GNE: variants seen among roughly 807,000 people sequenced by gnomAD.
The protein encoded by GNE is glucosamine (UDP-N-acetyl)-2-epimerase/N-acetylmannosamine kinase, also known as bifunctional UDP-N-acetylglucosamine 2-epimerase/N-acetylmannosamine kinase.
GNE carries 41 observed loss-of-function variants against 61.8 expected under a neutral mutation model. That is an observed-to-expected ratio of 0.66 (90% CI 0.52 to 0.86). The LOEUF (loss-of-function observed/expected upper bound fraction) is 0.86. GNE is among the 40% of genes least tolerant of loss of function. GNE has a pLI of 0.00. For synonymous variants in GNE, 264 were observed against 326.4 expected (o/e 0.81, Z 2.06); for missense variants, 608 against 909.1 (o/e 0.67, Z 4.26).
chr9:36,226,921 G>A (rs1429196208), intron 7 of GNE, among the ~76,000 whole-genome samples: 4 of 152,208 alleles, frequency 2.6e-5, no homozygotes, highest in Non-Finnish European at 5.9e-5. Context: ...GGCAGTGATA[G>A]TAATCAGCAT....
At position 36,217,335 on chromosome 9, in the gene GNE, G is replaced by C. The variant is rs540975887; in HGVS notation, c.*30C>G. The C allele has an allele frequency of 2.8e-5, 40 of 1,427,148 alleles. No homozygotes were observed. The South Asian group carries it at 3.9e-4, about 14-fold the overall frequency. The allele number at this position is 1,427,148 out of a possible 1,614,324, so 88.4% of individuals were successfully genotyped here. ...AACTTGATTCCACTCAGGAGCTCTGGAGAGAAGGTCCATGTCTGTTCCTGG... is the reference window on the plus strand; with the variant it reads ...AACTTGATTCCACTCAGGAGCTCTGCAGAGAAGGTCCATGTCTGTTCCTGG... On this transcript the variant is annotated 3_prime_UTR_variant, in exon 12 of 12. Transcript: ENST00000642385.
intron 1 of GNE, among the ~76,000 whole-genome samples, chr9:36,250,873 G>A (rs1390150519): frequency 6.6e-6 from 1 of 152,146 alleles, no homozygotes; most frequent in African/African-American, 2.4e-5. Context: ...TAGAGATGGG[G>A]TTTTGCCATG....
In GNE at chr9:36,216,179, A is replaced by G. The variant is rs1484040351; in HGVS notation, c.*1186T>C. ...TGTGGTGATGCTTTCACAGGTATACATATGTCAAGGCTTATCAAATTGTAG... is the reference window on the plus strand; with the variant it reads ...TGTGGTGATGCTTTCACAGGTATACGTATGTCAAGGCTTATCAAATTGTAG... On this transcript the variant is annotated 3_prime_UTR_variant, in exon 12 of 12. Transcript: ENST00000642385. The G allele has an allele frequency of 4.8e-6, 2 of 418,580 alleles. No homozygotes were observed. Among genetic ancestry groups the G allele is most frequent in the African/African-American group, 2.0e-5 (1 of 49,578 alleles). 25.9% of individuals were successfully genotyped at this position (418,580 alleles called of 1,614,324 possible). A position where few individuals can be genotyped will look rare whatever the true frequency, so the allele number is the denominator to read the frequency against.
chr9:36,218,364 G>A lies in GNE; in HGVS notation c.1817-65C>T, dbSNP rs1587273763. The A allele has an allele frequency of 1.7e-6, 2 of 1,173,476 alleles. No homozygotes were observed. The highest frequency in any genetic ancestry group is 2.4e-5 in the South Asian group (2 of 81,950). 72.7% of individuals were successfully genotyped at this position (1,173,476 alleles called of 1,614,324 possible). A position where few individuals can be genotyped will look rare whatever the true frequency, so the allele number is the denominator to read the frequency against. ...GTGGGGAGGCCAAGCTCACCACTGG[G>A]CCTGTGGAAAGCAAGCCCCTACATG... is the stretch of plus-strand genomic sequence containing the variant. On this transcript the variant is annotated intron_variant, in intron 10 of 11. Coordinates refer to ENST00000642385, the MANE Select transcript of GNE (RefSeq NM_005476.7). The surrounding 1 kb of genome is among the most constrained non-coding windows in gnomAD (Gnocchi z 4.1).
chr9:36,268,107 C>A (rs902560950), intron 1 of GNE, among the ~76,000 whole-genome samples: 1 of 151,748 alleles, frequency 6.6e-6, no homozygotes, highest in Non-Finnish European at 1.5e-5. Context: ...CCACTGCACT[C>A]CAGCCTGGGC....
chr9:36,217,694 T>A, intron 11 of GNE, 94 bp from the exon 12 acceptor site: 1 of 782,186 alleles, frequency 1.3e-6, no homozygotes, highest in Non-Finnish European at 2.2e-6. Context: ...GCAGAAATGT[T>A]AAAGAACATC....
At chr9:36,254,261 T>TG (rs1233133244) in intron 1 of GNE, among the ~76,000 whole-genome samples, 67 of 151,516 alleles carry the variant, frequency 4.4e-4, no homozygotes, top group African/African-American at 1.6e-3. Flanking sequence ...ACATGGTGGC[T>TG]CATGCCTGTA....
intron 1 of GNE, among the ~76,000 whole-genome samples, chr9:36,251,842 T>C (rs190323141): frequency 0.011 from 1,621 of 152,218 alleles, 26 homozygotes; most frequent in Non-Finnish European, 0.014. Context: ...TCTGTGACCA[T>C]GCAAACGGTC....
At chr9:36,229,794 G>C (rs1829056580) in intron 5 of GNE, among the ~76,000 whole-genome samples, 1 of 152,090 alleles carries the variant, frequency 6.6e-6, no homozygotes, top group Admixed American at 6.6e-5. Context: ...CAGTAGACAG[G>C]CAGGAGAGAC....
intron 1 of GNE, among the ~76,000 whole-genome samples, chr9:36,274,909 A>G (rs1831204867): frequency 6.6e-6 from 1 of 152,112 alleles, no homozygotes; most frequent in African/African-American, 2.4e-5. Context: ...TATTTTTAGT[A>G]GAGACGGGGT....
chr9:36,275,593 G>C (rs1220966537), intron 1 of GNE, among the ~76,000 whole-genome samples: 2 of 151,908 alleles, frequency 1.3e-5, no homozygotes, highest in Admixed American at 6.6e-5. Flanking sequence ...TTTAAAGTCA[G>C]TTATACAAAA....
intron 1 of GNE, among the ~76,000 whole-genome samples, chr9:36,276,206 C>T (rs1246065205): frequency 6.6e-6 from 1 of 152,024 alleles, no homozygotes; most frequent in Non-Finnish European, 1.5e-5. Context: ...TTGTATAAGC[C>T]ATTCCTTAAC....
At chr9:36,265,740 C>G (rs1034323578) in intron 1 of GNE, among the ~76,000 whole-genome samples, 2 of 152,058 alleles carry the variant, frequency 1.3e-5, no homozygotes, top group South Asian at 4.1e-4. Context: ...ACTGTTCTAC[C>G]TGAGATCATC....
intron 1 of GNE, among the ~76,000 whole-genome samples, chr9:36,276,468 T>C (rs750844092): frequency 2.0e-5 from 3 of 152,148 alleles, no homozygotes; most frequent in Non-Finnish European, 4.4e-5. Context: ...AATAGTTAAA[T>C]AACTGAGGGA....
intron 2 of GNE, 79 bp from the exon 3 acceptor site, chr9:36,246,561 A>C: frequency 1.2e-6 from 1 of 867,948 alleles, no homozygotes; most frequent in Non-Finnish European, 1.9e-6. Flanking sequence ...GCAATCTAAC[A>C]CCAACTCTGA....
chr9:36,252,081 G>A lies in GNE; in HGVS notation c.-42-2684C>T, dbSNP rs1172100850. 3.3e-5 allele frequency among the ~76,000 whole-genome samples: 5 copies of A among 151,588 alleles called. No homozygotes were observed. In the East Asian group the frequency reaches 9.6e-4, roughly 29 times the overall value. ...GCTCACTGCGACCTCCGCCTCCTGG[G>A]TTCAAGCAATTCTCCTGCCTCAGCC... is the stretch of plus-strand genomic sequence containing the variant. On this transcript the variant is annotated intron_variant, in intron 1 of 11. Coordinates refer to ENST00000642385, the MANE Select transcript of GNE (RefSeq NM_005476.7).
At chr9:36,259,210 GA>G (rs1431255230), upstream of GNE, among the ~76,000 whole-genome samples, 1 of 152,128 alleles carries the variant, frequency 6.6e-6, no homozygotes, top group African/African-American at 2.4e-5. Context: ...CCATGCCACC[GA>G]ATCAGGCTTT....
chr9:36,252,287 A>G (rs1691513872), intron 1 of GNE, among the ~76,000 whole-genome samples: 1 of 152,100 alleles, frequency 6.6e-6, no homozygotes, highest in Non-Finnish European at 1.5e-5. Context: ...ACGTGGCCGC[A>G]CTATCTAATC....
chr9:36,271,785 C>T (rs1388514509), intron 1 of GNE, among the ~76,000 whole-genome samples: 1 of 152,298 alleles, frequency 6.6e-6, no homozygotes, highest in East Asian at 1.9e-4. Flanking sequence ...CGAGAAAAAT[C>T]AGTCATATTA....
Sources: allele counts gnomAD v4.1 joint callset (sites outside exome capture counted in the v4.1 genomes callset), GRCh38; gene constraint gnomAD v4.1.1; non-coding constraint Gnocchi (gnomAD v3.1); transcripts MANE v1.5; gene names NCBI Gene and HGNC (gene_info 2026-07-23, HGNC 2026-07-21).